The following SMCP variants were observed in gnomAD, a reference collection of about 807,000 sequenced individuals.
SMCP encodes the protein sperm mitochondria associated cysteine rich protein, also known as sperm mitochondrial-associated cysteine-rich protein.
For missense variants in SMCP, 137 were observed against 137.1 expected (o/e 1.00, Z 0.01); for synonymous variants, 41 against 46.9 (o/e 0.87, Z 0.51).
At position 152,884,939 on chromosome 1, in the gene SMCP, T is replaced by C. The variant is rs1570902903; in HGVS notation, c.*166T>C. 3 of 641,872 alleles carry C rather than the reference T, an allele frequency of 4.7e-6. No individual in the cohort carries two copies. The highest frequency in any genetic ancestry group is 5.5e-5 in the East Asian group (2 of 36,272). 39.8% of individuals were successfully genotyped at this position (641,872 alleles called of 1,614,324 possible). On this transcript the variant is annotated 3_prime_UTR_variant, in exon 2 of 2. Coordinates refer to ENST00000368765, the MANE Select transcript of SMCP (RefSeq NM_030663.3). ...GCTCCTATTTCCCATCATAGCTCCC[T>C]ACCCTAGGGAGGCCTCCATCTGGAA...
chr1:152,878,665 G>A (rs762244404), intron 1 of SMCP, among the ~76,000 whole-genome samples: 6 of 152,180 alleles, frequency 3.9e-5, no homozygotes, highest in Non-Finnish European at 5.9e-5. Flanking sequence ...GAGAATGCCT[G>A]TGTTTATGGA....
At position 152,884,568 on chromosome 1, in the gene SMCP, A is replaced by G. The variant is rs1383529573; in HGVS notation, c.146A>G (p.Gln49Arg). The G allele has an allele frequency of 6.2e-7, 1 of 1,614,148 alleles. No individual in the cohort carries two copies. Residue 49 changes from glutamine to arginine, a missense_variant, in exon 2 of 2, where the codon CAA becomes CGA. By Grantham distance (43) the Gln-to-Arg change is conservative. Coordinates refer to ENST00000368765, the MANE Select transcript of SMCP (RefSeq NM_030663.3). ...QNQCCQPKGS[Q>R]CCPPKHNHCC... ...CAGTGCTGCCAGCCAAAAGGCAGTC[A>G]ATGCTGCCCACCAAAACACAATCAC...
Position 152,884,743 on chromosome 1 carries a change from C to T in SMCP, c.321C>T (p.Ser107=), listed in dbSNP as rs747022503. 7.4e-6 allele frequency: 12 copies of T among 1,614,048 alleles called. No individual in the cohort carries two copies. In the East Asian group the frequency reaches 2.7e-4, roughly 36 times the overall value. Residue 107 remains serine (S), a synonymous_variant, in exon 2 of 2, where the codon AGC becomes AGT. Coordinates refer to ENST00000368765, the MANE Select transcript of SMCP (RefSeq NM_030663.3). ...GTCAAACCCAGCAGCAGCCCCATAG[C>T]CCACAAAATGAGTCCAGGCCAAGCA... ...KGCQTQQQPH[S]PQNESRPSK
At chr1:152,882,951 G>A (rs565629137) in intron 1 of SMCP, among the ~76,000 whole-genome samples, 1 of 152,376 alleles carries the variant, frequency 6.6e-6, no homozygotes, top group South Asian at 2.1e-4. Context: ...GGCCGAGGCA[G>A]GAGAATCGCT....
intron 1 of SMCP, 29 bp downstream of exon 1, chr1:152,878,475 T>C (rs894883413): frequency 1.3e-5 from 2 of 152,646 alleles, no homozygotes; most frequent in African/African-American, 4.8e-5. Flanking sequence ...GTCTTTTGGG[T>C]CCTCTCTCCA....
chr1:152,880,262 A>G (rs1648992525), intron 1 of SMCP, among the ~76,000 whole-genome samples: 1 of 152,160 alleles, frequency 6.6e-6, no homozygotes, highest in Non-Finnish European at 1.5e-5. Context: ...GATTCAAACA[A>G]CAAGGAGATA....
chr1:152,884,889 G>A lies in SMCP; in HGVS notation c.*116G>A. 1 of 900,636 alleles carries A rather than the reference G, an allele frequency of 1.1e-6. No individual in the cohort carries two copies. Among genetic ancestry groups the A allele is most frequent in the Non-Finnish European group, 1.7e-6 (1 of 591,420 alleles). 55.8% of individuals were successfully genotyped at this position (900,636 alleles called of 1,614,324 possible). A position where few individuals can be genotyped will look rare whatever the true frequency, so the allele number is the denominator to read the frequency against. ...TGTTTAGAGAAGCAGTTTTCACAGT[G>A]ACTACCATTTCCACCCAATGAGAGG... On this transcript the variant is annotated 3_prime_UTR_variant, in exon 2 of 2. Transcript: ENST00000368765.
At position 152,882,133 on chromosome 1, in the gene SMCP, G is replaced by A. The variant is rs540681853; in HGVS notation, c.-20-2270G>A. Among the ~76,000 whole-genome samples, 60 of 152,164 alleles carry A rather than the reference G, an allele frequency of 3.9e-4. 3 individuals carry two copies. The South Asian group carries it at 0.012, about 31-fold the overall frequency. On this transcript the variant is annotated intron_variant, in intron 1 of 1. Coordinates refer to ENST00000368765, the MANE Select transcript of SMCP (RefSeq NM_030663.3). Reference sequence around the variant, plus strand: ...TGGGATTACAGGCACCTGCCACCATGCCCATTTTTCTATTTTTTGTAGAGA... The same window carrying A: ...TGGGATTACAGGCACCTGCCACCATACCCATTTTTCTATTTTTTGTAGAGA...
rs775698820 is a variant in SMCP at position 152,884,517 on chromosome 1, A to G, written c.95A>G (p.Asn32Ser). The change falls in exon 2 of 2, where the codon AAT becomes AGT. Residue 32 changes from asparagine (N) to serine (S), a missense_variant. By Grantham distance (46) the Asn-to-Ser change is conservative. Transcript: ENST00000368765. The part of the protein sequence containing the change: ...QQNQCCQSKG[N>S]QCCPPKQNQC... ...AACCAGTGCTGCCAGTCAAAAGGCA[A>G]TCAATGCTGCCCACCAAAACAGAAC... 6.2e-7 allele frequency: 1 copy of G among 1,613,948 alleles called. No homozygotes were observed. Among genetic ancestry groups the G allele is most frequent in the Non-Finnish European group, 8.5e-7 (1 of 1,179,974 alleles).
In SMCP at chr1:152,884,499, G is replaced by C. The variant is rs112556358; in HGVS notation, c.77G>C (p.Cys26Ser). The C allele has an allele frequency of 3.2e-5, 52 of 1,613,990 alleles. No homozygotes were observed. The African/African-American group carries it at 3.5e-4, about 11-fold the overall frequency. ...NQCCPPQQNQ[C>S]CQSKGNQCCP... The stretch of plus-strand genomic sequence containing the variant: ...TGCTGCCCACCACAGCAGAACCAGT[G>C]CTGCCAGTCAAAAGGCAATCAATGC... The change falls in exon 2 of 2, where the codon TGC becomes TCC. Residue 26 changes from cysteine to serine, a missense_variant. Cys to Ser is a moderately radical substitution (Grantham distance 112). Coordinates refer to ENST00000368765, the MANE Select transcript of SMCP (RefSeq NM_030663.3).
At chr1:152,879,210 ATTTG>A (rs1648961067) in intron 1 of SMCP, among the ~76,000 whole-genome samples, 1 of 151,994 alleles carries the variant, frequency 6.6e-6, no homozygotes, top group South Asian at 2.1e-4. Context: ...ATATTTATTT[ATTTG>A]TTTGTTTCTT....
chr1:152,884,500 C>T lies in SMCP; in HGVS notation c.78C>T (p.Cys26=), dbSNP rs1557858370. Residue 26 remains cysteine, a synonymous_variant, in exon 2 of 2, where the codon TGC becomes TGT. Coordinates refer to ENST00000368765, the MANE Select transcript of SMCP (RefSeq NM_030663.3). ...NQCCPPQQNQ[C]CQSKGNQCCP... ...GCTGCCCACCACAGCAGAACCAGTG[C>T]TGCCAGTCAAAAGGCAATCAATGCT... The T allele has an allele frequency of 6.2e-7, 1 of 1,613,996 alleles. No individual in the cohort carries two copies. Among genetic ancestry groups the T allele is most frequent in the Non-Finnish European group, 8.5e-7 (1 of 1,179,912 alleles).
In SMCP at chr1:152,884,796, A is replaced by G; in HGVS notation, c.*23A>G. ...TGAGAGCAGAAGAAGTCAAACAAAGAAGAAGTCCCTGGGGCCATGCCTTTC... is the reference window on the plus strand; with the variant it reads ...TGAGAGCAGAAGAAGTCAAACAAAGGAGAAGTCCCTGGGGCCATGCCTTTC... On this transcript the variant is annotated 3_prime_UTR_variant, in exon 2 of 2. Coordinates refer to ENST00000368765, the MANE Select transcript of SMCP (RefSeq NM_030663.3). The G allele has an allele frequency of 8.1e-6, 13 of 1,599,318 alleles. No homozygotes were observed. Among genetic ancestry groups the G allele is most frequent in the Non-Finnish European group, 1.0e-5 (12 of 1,168,416 alleles).
chr1:152,881,908 G>C (rs1010550844), intron 1 of SMCP, among the ~76,000 whole-genome samples: 1 of 152,140 alleles, frequency 6.6e-6, no homozygotes, highest in Admixed American at 6.5e-5. Flanking sequence ...GATTTTGTGA[G>C]GTACATACAC....
chr1:152,879,970 A>T (rs1215290420), intron 1 of SMCP, among the ~76,000 whole-genome samples: 1 of 152,074 alleles, frequency 6.6e-6, no homozygotes, highest in Non-Finnish European at 1.5e-5. Flanking sequence ...ACTTGTAAAG[A>T]TGGACACTAA....
rs1009009416 is a variant in SMCP, at chr1:152,883,424, C to T, written c.-20-979C>T. 2.0e-4 allele frequency among the ~76,000 whole-genome samples: 30 copies of T among 152,154 alleles called. 2 individuals are homozygous for T. Among genetic ancestry groups the T allele is most frequent in the Admixed American group, 1.6e-3 (25 of 15,288 alleles). On this transcript the variant is annotated intron_variant, in intron 1 of 1. Transcript: ENST00000368765. ...TCATGTGCCATAGGAGGGACCAGGG[C>T]GGAAACCATTAGGGGCTTCTCCAGG... is the stretch of plus-strand genomic sequence containing the variant.
intron 1 of SMCP, among the ~76,000 whole-genome samples, chr1:152,880,369 G>GAC (rs147082494): frequency 3.2e-4 from 49 of 151,970 alleles, no homozygotes; most frequent in African/African-American, 1.1e-3. Flanking sequence ...TGTGCGTGTG[G>GAC]ACACACACAC....
At chr1:152,883,649 C>T (rs1331788426) in intron 1 of SMCP, among the ~76,000 whole-genome samples, 1 of 152,200 alleles carries the variant, frequency 6.6e-6, no homozygotes, top group Non-Finnish European at 1.5e-5. Context: ...CTCACCCCCA[C>T]CACTGCCCCT....
intron 1 of SMCP, among the ~76,000 whole-genome samples, chr1:152,881,556 C>T (rs1046384335): frequency 1.3e-5 from 2 of 151,092 alleles, no homozygotes; most frequent in Admixed American, 6.6e-5. Flanking sequence ...GGCGTGGTGG[C>T]GGGCGCCTGT....
Sources: allele counts gnomAD v4.1 joint callset (sites outside exome capture counted in the v4.1 genomes callset), GRCh38; gene constraint gnomAD v4.1.1; transcripts MANE v1.5; gene names NCBI Gene and HGNC (gene_info 2026-07-23, HGNC 2026-07-21).